LPAR1: variants seen among roughly 807,000 people sequenced by gnomAD.
LPAR1 encodes the protein lysophosphatidic acid receptor 1, also known as LPA receptor 1.
LPAR1 carries 5 observed loss-of-function variants against 23.8 expected under a neutral mutation model. That is an observed-to-expected ratio of 0.21 (90% CI 0.11 to 0.44). The LOEUF (loss-of-function observed/expected upper bound fraction) is 0.44. LPAR1 is among the 20% of genes least tolerant of loss of function. The pLI, the probability that LPAR1 is intolerant of heterozygous loss-of-function variation, is 0.99. For synonymous variants in LPAR1, 160 were observed against 164.7 expected (o/e 0.97, Z 0.22); for missense variants, 311 against 482.8 (o/e 0.64, Z 3.33).
chr9:110,916,369 T>C (rs1186961922), intron 5 of LPAR1, among the ~76,000 whole-genome samples: 1 of 152,204 alleles, frequency 6.6e-6, no homozygotes, highest in Non-Finnish European at 1.5e-5. Context: ...CACTATGCTA[T>C]ATTGGCACAA....
chr9:111,035,310 A>G (rs1369970089), intron 2 of LPAR1, among the ~76,000 whole-genome samples: 3 of 151,946 alleles, frequency 2.0e-5, no homozygotes, highest in Non-Finnish European at 2.9e-5. Flanking sequence ...GCAGCCTTGA[A>G]TCCTGGGCTG....
At chr9:110,914,787 G>GA (rs57623514) in intron 5 of LPAR1, among the ~76,000 whole-genome samples, 1 of 151,744 alleles carries the variant, frequency 6.6e-6, no homozygotes, top group Admixed American at 6.6e-5. Flanking sequence ...CTCAAGGGGG[G>GA]AAAAAAAGCT....
At chr9:111,022,122 G>A (rs1323530445) in intron 2 of LPAR1, among the ~76,000 whole-genome samples, 1 of 152,124 alleles carries the variant, frequency 6.6e-6, no homozygotes, top group African/African-American at 2.4e-5. Context: ...GCAAATACCT[G>A]GAGTTCTCCC....
chr9:110,878,995 T>C (rs989166482), intron 5 of LPAR1, among the ~76,000 whole-genome samples: 4 of 152,148 alleles, frequency 2.6e-5, no homozygotes, highest in Admixed American at 6.5e-5. Flanking sequence ...CCTACCAAGA[T>C]GGGGAATGAA....
intron 2 of LPAR1, among the ~76,000 whole-genome samples, chr9:110,990,641 G>C (rs2096875837): frequency 6.6e-6 from 1 of 151,724 alleles, no homozygotes; most frequent in South Asian, 2.1e-4. Flanking sequence ...ACCTATAATA[G>C]AAAAGAAGAA....
chr9:110,979,885 G>A (rs1205186611), intron 2 of LPAR1, among the ~76,000 whole-genome samples: 1 of 152,114 alleles, frequency 6.6e-6, no homozygotes, highest in East Asian at 1.9e-4. Context: ...TAAGCAAAAA[G>A]ACTCAAGAAG....
chr9:110,886,299 G>C (rs1391768353), intron 5 of LPAR1, among the ~76,000 whole-genome samples: 1 of 150,338 alleles, frequency 6.7e-6, no homozygotes, highest in African/African-American at 2.4e-5. Context: ...GGGAGACAGA[G>C]GTTGCAGTGA....
At chr9:111,031,778 A>G (rs929277544) in intron 2 of LPAR1, among the ~76,000 whole-genome samples, 3 of 152,228 alleles carry the variant, frequency 2.0e-5, no homozygotes, top group Admixed American at 1.3e-4. Flanking sequence ...TAGACTTTAA[A>G]ACAGATAAAT....
intron 5 of LPAR1, among the ~76,000 whole-genome samples, chr9:110,919,879 T>C (rs1166244405): frequency 1.3e-5 from 2 of 152,138 alleles, no homozygotes; most frequent in Non-Finnish European, 2.9e-5. Context: ...CTTTAGATTG[T>C]CATAGTGACT....
intron 5 of LPAR1, among the ~76,000 whole-genome samples, chr9:110,877,613 T>C (rs1187885449): frequency 6.6e-6 from 1 of 152,178 alleles, no homozygotes; most frequent in Non-Finnish European, 1.5e-5. Flanking sequence ...TGGAAAATGC[T>C]TGGATGGAAA....
At chr9:110,971,164 GC>G (rs750558058) in intron 4 of LPAR1, among the ~76,000 whole-genome samples, 2 of 151,892 alleles carry the variant, frequency 1.3e-5, no homozygotes, top group African/African-American at 4.8e-5. Context: ...AATAAAGTTG[GC>G]CAAAAAATGA....
intron 4 of LPAR1, among the ~76,000 whole-genome samples, chr9:110,961,319 T>TAA (rs1268284077): frequency 2.0e-5 from 3 of 147,566 alleles, no homozygotes; most frequent in African/African-American, 7.5e-5. Context: ...GGTAACTTAT[T>TAA]AAAAAAAAAA....
chr9:110,911,883 T>C (rs1213263099), intron 5 of LPAR1, among the ~76,000 whole-genome samples: 2 of 152,204 alleles, frequency 1.3e-5, no homozygotes. Context: ...CTTTCCCATA[T>C]GCCTATTTCC....
At chr9:110,882,453 G>A (rs370538739) in intron 5 of LPAR1, among the ~76,000 whole-genome samples, 17 of 152,280 alleles carry the variant, frequency 1.1e-4, no homozygotes, top group Admixed American at 4.6e-4. Context: ...AACATCTACC[G>A]TGTGTAAGGT....
At chr9:111,030,542 T>C (rs2097777411) in intron 2 of LPAR1, among the ~76,000 whole-genome samples, 1 of 152,184 alleles carries the variant, frequency 6.6e-6, no homozygotes, top group African/African-American at 2.4e-5. Context: ...GAAAGGCCTT[T>C]CATTCAGGCC....
intron 5 of LPAR1, among the ~76,000 whole-genome samples, chr9:110,902,832 C>T (rs992524773): frequency 3.3e-5 from 5 of 152,140 alleles, no homozygotes; most frequent in Admixed American, 1.3e-4. Context: ...GTTTGTATTC[C>T]CTCTACCTCC....
intron 5 of LPAR1, among the ~76,000 whole-genome samples, chr9:110,899,639 G>A (rs1475061994): frequency 1.3e-5 from 2 of 152,198 alleles, no homozygotes; most frequent in Non-Finnish European, 2.9e-5. Context: ...ATCACCCAGA[G>A]ATCTATTAAA....
chr9:110,873,934 A>C lies in LPAR1; in HGVS notation c.*1487T>G, dbSNP rs1210484254. ...GGTACCTTGATTCTTGAGACAGTTG[A>C]ATTCTTCTAGTTGATCTTGTTGTAT... is the stretch of plus-strand genomic sequence containing the variant. On this transcript the variant is annotated 3_prime_UTR_variant, in exon 6 of 6. Coordinates refer to ENST00000683809, the MANE Select transcript of LPAR1 (RefSeq NM_001351411.2). 1 of 152,564 alleles carries C rather than the reference A, an allele frequency of 6.6e-6. No homozygotes were observed. Among genetic ancestry groups the C allele is most frequent in the Non-Finnish European group, 1.5e-5 (1 of 68,032 alleles). The allele number at this position is 152,564 out of a possible 1,614,324, so 9.5% of individuals were successfully genotyped here.
In LPAR1 at chr9:110,980,201, C is replaced by T. The variant is rs73541414; in HGVS notation, c.-181-6643G>A. ...TGCACATGGTACATCTATAAATATT[C>T]CAAACTAGTAAGATAAAAAGAAATA... On this transcript the variant is annotated intron_variant, in intron 2 of 5. Coordinates refer to ENST00000683809, the MANE Select transcript of LPAR1 (RefSeq NM_001351411.2). Among the ~76,000 whole-genome samples, 355 of 151,974 alleles carry T rather than the reference C, an allele frequency of 2.3e-3. 2 individuals carry two copies. Among genetic ancestry groups the T allele is most frequent in the African/African-American group, 8.2e-3 (342 of 41,464 alleles).
Sources: allele counts gnomAD v4.1 joint callset (sites outside exome capture counted in the v4.1 genomes callset), GRCh38; gene constraint gnomAD v4.1.1; transcripts MANE v1.5; gene names NCBI Gene and HGNC (gene_info 2026-07-23, HGNC 2026-07-21).